TINAG: variants seen among roughly 807,000 people sequenced by gnomAD.
TINAG encodes the protein tubulointerstitial nephritis antigen.
A neutral mutation model predicts 72.7 loss-of-function variants in TINAG; 83 were observed. That is an observed-to-expected ratio of 1.14 (90% CI 0.96 to 1.37). The LOEUF is 1.37. Ranked by LOEUF, TINAG falls within the 40% of genes most tolerant of loss-of-function variation. The pLI is 0.00. For synonymous variants in TINAG, 234 were observed against 189.9 expected (o/e 1.23, Z -1.91); for missense variants, 685 against 576.6 (o/e 1.19, Z -1.93).
At chr6:54,360,872 T>C (rs867028683) in intron 9 of TINAG, among the ~76,000 whole-genome samples, 206 of 105,254 alleles carry the variant, frequency 2.0e-3, no homozygotes, top group African/African-American at 7.2e-3. Flanking sequence ...TTTTTTTTTT[T>C]CAAATTGAAA....
intron 9 of TINAG, among the ~76,000 whole-genome samples, chr6:54,364,303 A>G (rs1763336224): frequency 6.6e-6 from 1 of 151,472 alleles, no homozygotes; most frequent in Admixed American, 6.6e-5. Flanking sequence ...ATGATTTTCC[A>G]AATGGGTGCA....
rs371742365 is a variant in TINAG at position 54,349,668 on chromosome 6, C to T, written c.900-48C>T. On this transcript the variant is annotated intron_variant, in intron 6 of 10. Coordinates refer to ENST00000259782, the MANE Select transcript of TINAG (RefSeq NM_014464.4). ...AAGATTAAATATAAAAAGGATATTA[C>T]GACATTCTCCTAAATATTACCTTTG... is the stretch of plus-strand genomic sequence containing the variant. The T allele has an allele frequency of 9.1e-5, 129 of 1,411,704 alleles. No homozygotes were observed. In the Middle Eastern group the frequency reaches 1.5e-3, roughly 16 times the overall value. The allele number at this position is 1,411,704 out of a possible 1,614,324, so 87.4% of individuals were successfully genotyped here.
chr6:54,320,487 A>G lies in TINAG; in HGVS notation c.356-92A>G, dbSNP rs573229339. 4 of 1,090,044 alleles carry G rather than the reference A, an allele frequency of 3.7e-6. No homozygotes were observed. In the African/African-American group the frequency reaches 4.7e-5, roughly 13 times the overall value. 67.5% of individuals were successfully genotyped at this position (1,090,044 alleles called of 1,614,324 possible). On this transcript the variant is annotated intron_variant, in intron 1 of 10. Coordinates refer to ENST00000259782, the MANE Select transcript of TINAG (RefSeq NM_014464.4). ...GGCACCAAACATGTCTGCATATTTG[A>G]AAAGCTAACTATGATTTTTGATTAC...
intron 4 of TINAG, among the ~76,000 whole-genome samples, chr6:54,335,987 G>T (rs3777646): frequency 0.063 from 9,531 of 151,998 alleles, 540 homozygotes; most frequent in East Asian, 0.29. Context: ...TATTTTCCCT[G>T]GATGGGAAAG....
intron 10 of TINAG, among the ~76,000 whole-genome samples, chr6:54,381,015 G>T (rs982169354): frequency 6.9e-6 from 1 of 145,696 alleles, no homozygotes; most frequent in Non-Finnish European, 1.5e-5. Flanking sequence ...TATATATTTA[G>T]ATGGCAATGA....
intron 1 of TINAG, among the ~76,000 whole-genome samples, chr6:54,320,058 T>C (rs1460460431): frequency 1.3e-5 from 2 of 152,104 alleles, no homozygotes. Flanking sequence ...ACAATCTTAT[T>C]GATTTCCTGA....
chr6:54,328,271 G>A (rs1436794308), intron 4 of TINAG, among the ~76,000 whole-genome samples: 2 of 152,176 alleles, frequency 1.3e-5, no homozygotes, highest in East Asian at 3.9e-4. Flanking sequence ...CCAGAGGAAG[G>A]AGCAGGCAGC....
intron 4 of TINAG, among the ~76,000 whole-genome samples, chr6:54,337,904 A>T (rs1458933362): frequency 6.6e-6 from 1 of 152,032 alleles, no homozygotes; most frequent in African/African-American, 2.4e-5. Flanking sequence ...TCATCTCAGA[A>T]TTTTTTCATC....
chr6:54,310,924 T>G (rs1784241250), intron 1 of TINAG, among the ~76,000 whole-genome samples: 1 of 145,862 alleles, frequency 6.9e-6, no homozygotes, highest in Non-Finnish European at 1.5e-5. Flanking sequence ...TCTCCCACTT[T>G]CCCTCTTTCT....
intron 1 of TINAG, among the ~76,000 whole-genome samples, chr6:54,311,125 A>G (rs2150927271): frequency 6.6e-6 from 1 of 152,052 alleles, no homozygotes; most frequent in Middle Eastern, 3.4e-3. Context: ...TGCTTGAATT[A>G]TTAATTTATA....
intron 4 of TINAG, among the ~76,000 whole-genome samples, chr6:54,342,402 A>T (rs1196285194): frequency 6.9e-6 from 1 of 145,220 alleles, no homozygotes; most frequent in African/African-American, 2.6e-5. Flanking sequence ...ACTGTCGCCC[A>T]GGCTGGAGAG....
intron 10 of TINAG, among the ~76,000 whole-genome samples, chr6:54,381,863 A>G (rs974767188): frequency 3.4e-4 from 51 of 152,112 alleles, no homozygotes; most frequent in African/African-American, 1.2e-3. Context: ...AACTCACAAC[A>G]GTTCTTAGCA....
intron 1 of TINAG, among the ~76,000 whole-genome samples, chr6:54,312,646 A>C (rs1365352922): frequency 2.0e-5 from 3 of 152,202 alleles, no homozygotes; most frequent in Non-Finnish European, 4.4e-5. Flanking sequence ...TTTGTAGATA[A>C]TGTGGCAATC....
chr6:54,388,100 C>A (rs1764150518), intron 10 of TINAG, among the ~76,000 whole-genome samples: 1 of 152,016 alleles, frequency 6.6e-6, no homozygotes, highest in Admixed American at 6.6e-5. Flanking sequence ...TGAGAATAGG[C>A]TCAGTGTTAT....
chr6:54,382,146 C>G lies in TINAG; in HGVS notation c.1296+1575C>G, dbSNP rs1045233377. 2.0e-5 allele frequency among the ~76,000 whole-genome samples: 3 copies of G among 152,136 alleles called. No individual in the cohort carries two copies. In the East Asian group the frequency reaches 5.8e-4, roughly 29 times the overall value. On this transcript the variant is annotated intron_variant, in intron 10 of 10. Transcript: ENST00000259782. Reference sequence around the variant, plus strand: ...GAACTTACTACTTATCAAACATCTTCAAAGAAAATTTTATTTCATGAGGCT... The same window carrying G: ...GAACTTACTACTTATCAAACATCTTGAAAGAAAATTTTATTTCATGAGGCT...
chr6:54,320,002 T>A (rs949491669), intron 1 of TINAG, among the ~76,000 whole-genome samples: 6 of 103,934 alleles, frequency 5.8e-5, no homozygotes, highest in African/African-American at 1.6e-4. Context: ...AATAACTAGT[T>A]TCAGTTAACA....
chr6:54,338,126 T>C (rs1194081250), intron 4 of TINAG, among the ~76,000 whole-genome samples: 1 of 152,196 alleles, frequency 6.6e-6, no homozygotes, highest in East Asian at 1.9e-4. Context: ...GCAGAATGAA[T>C]GTCTTATCTC....
chr6:54,389,120 C>T (rs949394625), intron 10 of TINAG, among the ~76,000 whole-genome samples: 1 of 152,084 alleles, frequency 6.6e-6, no homozygotes, highest in African/African-American at 2.4e-5. Flanking sequence ...GCTTCTGTCT[C>T]GTGATCTAAC....
chr6:54,318,098 T>A (rs189553364), intron 1 of TINAG, among the ~76,000 whole-genome samples: 210 of 152,272 alleles, frequency 1.4e-3, no homozygotes, highest in African/African-American at 5.0e-3. Context: ...TGCAGTGTTT[T>A]GAGCTCAGTC....
Sources: gnomAD v4.1 joint callset for allele counts (sites outside exome capture counted in the v4.1 genomes callset) on GRCh38, gnomAD v4.1.1 for gene constraint, MANE v1.5 for transcripts, NCBI Gene and HGNC (gene_info 2026-07-23, HGNC 2026-07-21) for gene names.